Variants in KCTD1 observed in about 807,000 individuals in gnomAD.
KCTD1 encodes the protein BTB/POZ domain-containing protein KCTD1.
Under a neutral mutation model 66.0 loss-of-function variants are expected in KCTD1, and 24 were observed. The ratio of observed to expected loss-of-function variants is 0.36; its 90% confidence interval spans 0.26 to 0.51. The LOEUF (loss-of-function observed/expected upper bound fraction) is 0.51, where lower values mean the gene tolerates loss of function less well. KCTD1 is among the 20% of genes least tolerant of loss of function. The pLI is 0.95. For synonymous variants in KCTD1, 511 were observed against 517.2 expected, an observed-to-expected ratio of 0.99 and a Z score of 0.16; for missense variants, 943 against 1,205.2, an observed-to-expected ratio of 0.78 and a Z score of 3.22.
upstream of KCTD1, among the ~76,000 whole-genome samples, chr18:26,634,080 G>A (rs1201295656): frequency 2.0e-5 from 3 of 152,084 alleles, no homozygotes; most frequent in South Asian, 2.1e-4. Context: ...CAGACTGTAT[G>A]ATTCCATTTA....
intron 1 of KCTD1, among the ~76,000 whole-genome samples, chr18:26,513,909 A>G (rs1277032757): frequency 3.3e-5 from 5 of 152,208 alleles, no homozygotes; most frequent in Non-Finnish European, 7.3e-5. Context: ...CAATCACACC[A>G]TTTGCTCTAG....
At chr18:26,458,351 T>C (rs1462571828) in intron 4 of KCTD1, 1 of 152,236 alleles carries the variant, frequency 6.6e-6, no homozygotes, top group Non-Finnish European at 1.5e-5. Context: ...TGGGTGCTTC[T>C]AGTCTCTGTG....
chr18:26,465,761 C>CTGA (rs934713199), intron 3 of KCTD1, among the ~76,000 whole-genome samples: 32 of 152,284 alleles, frequency 2.1e-4, no homozygotes, highest in African/African-American at 7.2e-4. Context: ...GGAGCTAGGC[C>CTGA]TGATGTCTAG....
intron 1 of KCTD1, among the ~76,000 whole-genome samples, chr18:26,535,033 A>T (rs1329152500): frequency 7.0e-6 from 1 of 143,166 alleles, no homozygotes; most frequent in Non-Finnish European, 1.5e-5. Context: ...AAGACAGCAG[A>T]ATCTTTTCAC....
In KCTD1 at chr18:26,547,418, C is replaced by A; in HGVS notation, c.1119G>T (p.Glu373Asp). 6.4e-7 allele frequency: 1 copy of A among 1,551,302 alleles called. No individual in the cohort carries two copies. Among genetic ancestry groups the A allele is most frequent in the Non-Finnish European group, 8.7e-7 (1 of 1,146,734 alleles). The change falls in exon 1 of 5, where the codon GAG (glutamate) becomes GAT (aspartate). Residue 373 changes from glutamate to aspartate, a missense_variant. Glu to Asp is a conservative substitution (Grantham distance 45). Transcript: ENST00000580059. ...CCGTCTCATACATGCGGGGCAAGTT[C>A]TCCTCGTCGCTGCTCTCGGCGCGCT... is the stretch of plus-strand genomic sequence containing the variant. ...SKKRAESSDE[E>D]NLPRMYETGT...
At chr18:26,550,559 CACACAG>C (rs879702088), upstream of KCTD1, among the ~76,000 whole-genome samples, 3 of 117,512 alleles carry the variant, frequency 2.6e-5, no homozygotes, top group African/African-American at 3.7e-5. The surrounding 1 kb of genome is among the most constrained non-coding windows in gnomAD (Gnocchi z 5.4). Context: ...AAACACAAGA[CACACAG>C]ACACACACAC....
chr18:26,554,186 A>AAG (rs1567992540), intron 1 of KCTD1, among the ~76,000 whole-genome samples: 1 of 149,578 alleles, frequency 6.7e-6, no homozygotes, highest in African/African-American at 2.4e-5. Flanking sequence ...AAGGAAGGAA[A>AAG]AAAGAAAGAA....
chr18:26,496,670 C>A (rs1982487209), intron 2 of KCTD1, among the ~76,000 whole-genome samples: 1 of 151,790 alleles, frequency 6.6e-6, no homozygotes, highest in Non-Finnish European at 1.5e-5. Context: ...GAGTGGCTAA[C>A]CTTGAGGTGT....
In KCTD1 at chr18:26,507,713, T is replaced by A. The variant is rs201416047; in HGVS notation, c.1810-6463A>T. Among the ~76,000 whole-genome samples the A allele has an allele frequency of 6.8e-3, 1,033 of 151,584 alleles. 3 individuals carry two copies. The highest frequency in any genetic ancestry group is 0.012 in the African/African-American group (498 of 41,308). On this transcript the variant is annotated intron_variant, in intron 1 of 4. Coordinates refer to ENST00000580059, the MANE Select transcript of KCTD1 (RefSeq NM_001142730.3). ...TACTGACACTATACTTTTTTTTTTT[T>A]AAAAAAAGAATGATGCCCTGTGGAT...
At chr18:26,628,846 C>T (rs1987558859) in intron 1 of KCTD1, among the ~76,000 whole-genome samples, 2 of 152,150 alleles carry the variant, frequency 1.3e-5, no homozygotes, top group Non-Finnish European at 2.9e-5. Flanking sequence ...CTATAATCAC[C>T]ACAATTTGGT....
chr18:26,497,525 G>A (rs1207587555), intron 2 of KCTD1, among the ~76,000 whole-genome samples: 2 of 152,172 alleles, frequency 1.3e-5, no homozygotes, highest in Non-Finnish European at 2.9e-5. Context: ...CCGACGCTAT[G>A]GGAAAAGCAT....
At position 26,577,613 on chromosome 18, in the gene KCTD1, C is replaced by A. The variant is rs373932874; in HGVS notation, c.-16+51534G>T. Among the ~76,000 whole-genome samples, 32 of 152,078 alleles carry A rather than the reference C, an allele frequency of 2.1e-4. 1 individual carries two copies. The South Asian group carries it at 6.7e-3, about 32-fold the overall frequency. On this transcript the variant is annotated intron_variant, in intron 1 of 4. Transcript: ENST00000317932. ...CCAGGCTGAAATGCAGTGGCTCAAT[C>A]GTAGCTCACTGTAACCTTGAACTCC...
chr18:26,553,659 A>G (rs1433890639), intron 1 of KCTD1, among the ~76,000 whole-genome samples: 1 of 152,192 alleles, frequency 6.6e-6, no homozygotes, highest in African/African-American at 2.4e-5. Context: ...TAATGATAAC[A>G]GTCCCTACCC....
chr18:26,641,619 C>T (rs1987835293), upstream of KCTD1, among the ~76,000 whole-genome samples: 1 of 152,076 alleles, frequency 6.6e-6, no homozygotes, highest in South Asian at 2.1e-4. Flanking sequence ...ATCCTAGAAC[C>T]CCTGGTGCAG....
chr18:26,632,187 C>A (rs946420214), upstream of KCTD1, among the ~76,000 whole-genome samples: 1 of 152,100 alleles, frequency 6.6e-6, no homozygotes, highest in Admixed American at 6.6e-5. Flanking sequence ...GAGTTTGAGA[C>A]CAGCCTGGCC....
chr18:26,553,676 A>G (rs1180335770), intron 1 of KCTD1, among the ~76,000 whole-genome samples: 2 of 152,318 alleles, frequency 1.3e-5, no homozygotes, highest in East Asian at 3.9e-4. Flanking sequence ...ACCCCTTGGG[A>G]TTGTTTTGAG....
At position 26,654,824 on chromosome 18, in the gene KCTD1, G is replaced by A. The variant is rs144242866; in HGVS notation, c.9+2536C>T. 6.6e-3 allele frequency among the ~76,000 whole-genome samples: 1,002 copies of A among 152,302 alleles called. 13 individuals carry two copies. Among genetic ancestry groups the A allele is most frequent in the African/African-American group, 0.022 (914 of 41,566 alleles). ...CTAATTAGTAAACATTTAACCTACT[G>A]TCATCATAACCACTGCTCACAATTC... On this transcript the variant is annotated intron_variant, in intron 1 of 4. Transcript: ENST00000580191.
intron 1 of KCTD1, among the ~76,000 whole-genome samples, chr18:26,513,490 A>G (rs1170648966): frequency 6.6e-6 from 1 of 152,192 alleles, no homozygotes; most frequent in African/African-American, 2.4e-5. Context: ...TAAAGAGCAA[A>G]CTATTTGTGG....
intron 1 of KCTD1, among the ~76,000 whole-genome samples, chr18:26,615,389 G>C (rs1471329004): frequency 6.6e-6 from 1 of 152,204 alleles, no homozygotes; most frequent in Non-Finnish European, 1.5e-5. Context: ...TAGTCTGTCA[G>C]ATTTACTCAG....
Sources: allele counts gnomAD v4.1 joint callset (sites outside exome capture counted in the v4.1 genomes callset), GRCh38; gene constraint gnomAD v4.1.1; non-coding constraint Gnocchi (gnomAD v3.1); transcripts MANE v1.5; gene names NCBI Gene and HGNC (gene_info 2026-07-23, HGNC 2026-07-21).